CDH18: variants seen among roughly 807,000 people sequenced by gnomAD.
CDH18 encodes cadherin 18.
Under a neutral mutation model 67.9 loss-of-function variants are expected in CDH18, and 31 were observed. The ratio of observed to expected loss-of-function variants is 0.46; its 90% CI spans 0.34 to 0.62. The LOEUF (loss-of-function observed/expected upper bound fraction) is 0.62. Among genes scored for constraint, CDH18 ranks in the 20% least tolerant of loss-of-function variants. CDH18 has a pLI of 0.01. For synonymous variants in CDH18, 362 were observed against 347.2 expected (o/e 1.04, Z -0.48); for missense variants, 890 against 975.5 (o/e 0.91, Z 1.17).
chr5:19,715,570 C>T (rs986557935), intron 5 of CDH18, among the ~76,000 whole-genome samples: 7 of 152,088 alleles, frequency 4.6e-5, no homozygotes, highest in Non-Finnish European at 1.0e-4. Flanking sequence ...TTATCATTCA[C>T]AATTTTCCAA....
chr5:20,480,541 C>T (rs1315106264), intron 1 of CDH18, among the ~76,000 whole-genome samples: 1 of 151,942 alleles, frequency 6.6e-6, no homozygotes, highest in Non-Finnish European at 1.5e-5. Flanking sequence ...CTTTTGCCTC[C>T]CAAGTAGCTG....
At chr5:20,132,532 G>T (rs1033265193) in intron 2 of CDH18, among the ~76,000 whole-genome samples, 4 of 151,934 alleles carry the variant, frequency 2.6e-5, no homozygotes, top group Non-Finnish European at 5.9e-5. Context: ...CCTGGTCCTG[G>T]ATTCTATCCC....
chr5:19,543,748 G>A (rs143285367), intron 9 of CDH18, 121 bp downstream of exon 9: 307 of 598,110 alleles, frequency 5.1e-4, no homozygotes, highest in African/African-American at 4.5e-3. Context: ...AATACACTCC[G>A]CTTACTCTCC....
intron 1 of CDH18, among the ~76,000 whole-genome samples, chr5:20,526,443 C>T (rs1023912338): frequency 1.3e-5 from 2 of 152,092 alleles, no homozygotes; most frequent in African/African-American, 4.8e-5. Flanking sequence ...GGGCTTTGAT[C>T]CTGTGCCTCC....
intron 2 of CDH18, among the ~76,000 whole-genome samples, chr5:20,033,990 C>T (rs562426662): frequency 6.6e-6 from 1 of 151,954 alleles, no homozygotes; most frequent in African/African-American, 2.4e-5. Flanking sequence ...ACAAGAATGA[C>T]ACAATTCTCA....
At chr5:19,905,669 A>C (rs554103991) in intron 2 of CDH18, among the ~76,000 whole-genome samples, 8 of 152,092 alleles carry the variant, frequency 5.3e-5, no homozygotes, top group African/African-American at 1.9e-4. Flanking sequence ...AACCTTTAAA[A>C]TAATTGTTAG....
chr5:20,063,715 C>T (rs578131493), intron 2 of CDH18, among the ~76,000 whole-genome samples: 4 of 152,248 alleles, frequency 2.6e-5, no homozygotes, highest in African/African-American at 7.2e-5. Flanking sequence ...ATACACTAAA[C>T]AAGACACTAA....
chr5:19,798,508 G>A (rs921038994), intron 3 of CDH18, among the ~76,000 whole-genome samples: 4 of 151,922 alleles, frequency 2.6e-5, no homozygotes, highest in African/African-American at 7.2e-5. Flanking sequence ...GACTTGGGTA[G>A]TGGGGTGTGT....
intron 11 of CDH18, among the ~76,000 whole-genome samples, chr5:19,493,537 G>GGGGTGT (rs1275722116): frequency 1.7e-4 from 25 of 148,032 alleles, no homozygotes; most frequent in African/African-American, 3.2e-4. Flanking sequence ...AGGGAATTGG[G>GGGGTGT]GTGTGTGTGT....
chr5:20,167,380 G>A (rs1197274069), intron 2 of CDH18, among the ~76,000 whole-genome samples: 1 of 151,892 alleles, frequency 6.6e-6, no homozygotes, highest in Non-Finnish European at 1.5e-5. Context: ...GGAGAGGGCA[G>A]ACCTGAAAAG....
intron 2 of CDH18, among the ~76,000 whole-genome samples, chr5:20,016,583 C>T (rs1313190559): frequency 6.6e-6 from 1 of 152,144 alleles, no homozygotes; most frequent in East Asian, 1.9e-4. Flanking sequence ...TTATTTTTCA[C>T]CAACAATAAT....
At chr5:20,366,710 C>T (rs1016173701) in intron 1 of CDH18, among the ~76,000 whole-genome samples, 49 of 152,206 alleles carry the variant, frequency 3.2e-4, no homozygotes, top group African/African-American at 1.1e-3. Flanking sequence ...AGTGGAAACA[C>T]TTAGCATGGT....
intron 1 of CDH18, among the ~76,000 whole-genome samples, chr5:20,347,455 G>T (rs182828177): frequency 6.6e-5 from 10 of 152,274 alleles, no homozygotes; most frequent in Admixed American, 4.6e-4. Context: ...TTAGGAGCTG[G>T]TTAGGCAGAT....
rs1212964267 is a variant in CDH18, at chr5:19,839,011, G to GT, written c.-26dup. 2 of 1,578,666 alleles carry GT rather than the reference G, an allele frequency of 1.3e-6. No individual in the cohort carries two copies. The highest frequency in any genetic ancestry group is 2.7e-5 in the African/African-American group (2 of 74,210). On this transcript the variant is annotated 5_prime_UTR_variant, in exon 3 of 13. Transcript: ENST00000382275. ...TTGTAAGATAACTTTCCAGTTCACA[G>GT]TTTTCCTTCCTTTCCTTGTCAGCTA...
intron 5 of CDH18, among the ~76,000 whole-genome samples, chr5:19,647,610 T>A (rs1055147601): frequency 7.9e-6 from 1 of 126,394 alleles, no homozygotes; most frequent in African/African-American, 3.0e-5. Flanking sequence ...CATAGAGACA[T>A]AGAGGCAATT....
intron 2 of CDH18, among the ~76,000 whole-genome samples, chr5:20,016,360 G>A (rs1459422269): frequency 1.3e-5 from 2 of 151,850 alleles, no homozygotes; most frequent in Non-Finnish European, 1.5e-5. Context: ...ATAACTCTTG[G>A]GTACTATACG....
chr5:20,418,229 C>T (rs1448519028), intron 1 of CDH18, among the ~76,000 whole-genome samples: 1 of 99,386 alleles, frequency 1.0e-5, no homozygotes, highest in African/African-American at 3.9e-5. Context: ...GTGTCTGCCA[C>T]CACTGCTGGC....
intron 2 of CDH18, among the ~76,000 whole-genome samples, chr5:20,182,252 T>G (rs1247939735): frequency 6.6e-6 from 1 of 152,000 alleles, no homozygotes; most frequent in Non-Finnish European, 1.5e-5. Flanking sequence ...ATTGGGCACC[T>G]AAAAATTTAT....
intron 1 of CDH18, among the ~76,000 whole-genome samples, chr5:20,349,594 A>G (rs910788375): frequency 2.0e-5 from 3 of 152,170 alleles, no homozygotes; most frequent in Admixed American, 2.0e-4. Flanking sequence ...TAGTAAGTAA[A>G]GACATGAAAA....
Sources: gnomAD v4.1 joint callset for allele counts (sites outside exome capture counted in the v4.1 genomes callset) on GRCh38, gnomAD v4.1.1 for gene constraint, MANE v1.5 for transcripts, NCBI Gene and HGNC (gene_info 2026-07-23, HGNC 2026-07-21) for gene names.